LRP6: variants seen among roughly 807,000 people sequenced by gnomAD.
LRP6 encodes low-density lipoprotein receptor-related protein 6.
A neutral mutation model predicts 184.1 loss-of-function variants in LRP6; 43 were observed. The ratio of observed to expected loss-of-function variants is 0.23; its 90% CI spans 0.18 to 0.30. The LOEUF is 0.30. Among genes scored for constraint, LRP6 ranks in the 10% least tolerant of loss-of-function variants. The pLI, the probability that LRP6 is intolerant of heterozygous loss-of-function variation, is 1.00. For missense variants in LRP6, 1,571 were observed against 2,005.3 expected (o/e 0.78, Z 4.14); for synonymous variants, 719 against 684.9 (o/e 1.05, Z -0.78).
intron 15 of LRP6, among the ~76,000 whole-genome samples, chr12:12,145,627 T>TTTC (rs1555105796): frequency 1.3e-5 from 1 of 77,760 alleles, no homozygotes; most frequent in African/African-American, 5.4e-5. Context: ...TCTTTTTCTT[T>TTTC]TTTTTTTTTT....
At chr12:12,186,537 C>A (rs777297809) in intron 4 of LRP6, among the ~76,000 whole-genome samples, 5 of 151,650 alleles carry the variant, frequency 3.3e-5, no homozygotes, top group Admixed American at 1.3e-4. Context: ...CACTACCACA[C>A]CCCATTAATT....
At chr12:12,205,365 G>C (rs181824058) in intron 2 of LRP6, among the ~76,000 whole-genome samples, 2 of 140,684 alleles carry the variant, frequency 1.4e-5, no homozygotes, top group Admixed American at 1.4e-4. Flanking sequence ...AAGAGGTAAT[G>C]AGGGTGCTAT....
chr12:12,192,982 G>C (rs1863656283), intron 3 of LRP6, among the ~76,000 whole-genome samples: 1 of 151,986 alleles, frequency 6.6e-6, no homozygotes, highest in Non-Finnish European at 1.5e-5. Flanking sequence ...CTAGGAGACA[G>C]AATTAATCTT....
rs376741000 is a variant in LRP6, at chr12:12,165,154, C to T, written c.1687G>A (p.Ala563Thr). 3 of 1,614,074 alleles carry T rather than the reference C, an allele frequency of 1.9e-6. 1 individual carries two copies. Among genetic ancestry groups the T allele is most frequent in the South Asian group, 2.2e-5 (2 of 91,084 alleles). ...RSIERVHKRSAEREVIIDQLP... is the reference protein window; with the variant it reads ...RSIERVHKRSTEREVIIDQLP... ...TGATCTATGATCACTTCCCTCTCTGCACTTCGTTTATGAACTCTTTCAATG... is the reference window on the plus strand; with the variant it reads ...TGATCTATGATCACTTCCCTCTCTGTACTTCGTTTATGAACTCTTTCAATG... Residue 563 changes from alanine (A) to threonine (T), a missense_variant, in exon 8 of 23, where the codon GCA becomes ACA. Ala to Thr is a moderately conservative substitution (Grantham distance 58). Coordinates refer to ENST00000261349, the MANE Select transcript of LRP6 (RefSeq NM_002336.3).
intron 19 of LRP6, 90 bp from the exon 20 acceptor site, chr12:12,127,011 G>GA: frequency 9.7e-7 from 1 of 1,035,046 alleles, no homozygotes; most frequent in Non-Finnish European, 1.5e-6. Flanking sequence ...AATAGGATGT[G>GA]AAGCTATAAG....
At position 12,266,744 on chromosome 12, in the gene LRP6, C is replaced by A. The variant is rs1343876792; in HGVS notation, c.-9G>T. On this transcript the variant is annotated 5_prime_UTR_variant, in exon 1 of 23. Transcript: ENST00000261349. The stretch of plus-strand genomic sequence containing the variant: ...CTCAGGACGGCCCCCATCTTCCCTT[C>A]TCGCGTTCTCTTCTCTCACCGGCGA... 1 of 1,612,200 alleles carries A rather than the reference C, an allele frequency of 6.2e-7. No individual in the cohort carries two copies. Among genetic ancestry groups the A allele is most frequent in the East Asian group, 2.2e-5 (1 of 44,814 alleles).
chr12:12,248,314 C>T lies in LRP6; in HGVS notation c.56-3659G>A, dbSNP rs1865238016. Reference sequence around the variant, plus strand: ...TACCATCAGAATAATAATTATATTTCTACTAACTGCAAAATCTTATAACAT... The same window carrying T: ...TACCATCAGAATAATAATTATATTTTTACTAACTGCAAAATCTTATAACAT... On this transcript the variant is annotated intron_variant, in intron 1 of 22. Transcript: ENST00000261349. Among the ~76,000 whole-genome samples the T allele has an allele frequency of 2.6e-5, 4 of 152,004 alleles. No homozygotes were observed. In the South Asian group the frequency reaches 8.3e-4, roughly 32 times the overall value.
chr12:12,233,878 A>G (rs2135897469), intron 2 of LRP6, among the ~76,000 whole-genome samples: 1 of 152,300 alleles, frequency 6.6e-6, no homozygotes, highest in South Asian at 2.1e-4. Context: ...ACCAGCCTAA[A>G]AGCCTACACA....
intron 1 of LRP6, among the ~76,000 whole-genome samples, chr12:12,247,110 C>G (rs1266515751): frequency 1.3e-5 from 2 of 152,182 alleles, no homozygotes; most frequent in Non-Finnish European, 2.9e-5. Flanking sequence ...ACTGATTTAT[C>G]AGTCCCCACA....
intron 2 of LRP6, among the ~76,000 whole-genome samples, chr12:12,227,197 A>G (rs1162995458): frequency 1.3e-5 from 2 of 152,158 alleles, no homozygotes; most frequent in Non-Finnish European, 2.9e-5. Flanking sequence ...CTACCCTGCA[A>G]AATTATCCTT....
At chr12:12,178,970 GTC>G (rs2136985095) in intron 7 of LRP6, among the ~76,000 whole-genome samples, 1 of 152,258 alleles carries the variant, frequency 6.6e-6, no homozygotes, top group East Asian at 1.9e-4. Flanking sequence ...TGTGTACAGT[GTC>G]TCTCTGAAGA....
intron 1 of LRP6, 83 bp downstream of exon 1, chr12:12,266,598 T>TCCCCCCCCCCC: frequency 1.0e-6 from 1 of 986,856 alleles, no homozygotes; most frequent in South Asian, 1.4e-5. Flanking sequence ...CCTTCCTCCG[T>TCCCCCCCCCCC]CCCTCCCCTC....
In LRP6 at chr12:12,266,665, C is replaced by T. The variant is rs1279902229; in HGVS notation, c.55+16G>A. 4 of 1,611,594 alleles carry T rather than the reference C, an allele frequency of 2.5e-6. No individual in the cohort carries two copies. Among genetic ancestry groups the T allele is most frequent in the Admixed American group, 1.7e-5 (1 of 59,916 alleles). On this transcript the variant is annotated intron_variant, in intron 1 of 22. Coordinates refer to ENST00000261349, the MANE Select transcript of LRP6 (RefSeq NM_002336.3). ...CCCGAACCCCACCAACTTTCCAGTG[C>T]CCCCACTCTTCCCACCTCTCAGGAG...
chr12:12,230,917 T>A (rs1864766140), intron 2 of LRP6, among the ~76,000 whole-genome samples: 1 of 152,112 alleles, frequency 6.6e-6, no homozygotes, highest in Admixed American at 6.6e-5. Context: ...GCGCAGTGGC[T>A]CACGCCTGTA....
intron 1 of LRP6, chr12:12,249,388 G>A (rs1865266999): frequency 1.1e-6 from 1 of 935,442 alleles, no homozygotes; most frequent in Non-Finnish European, 1.8e-6. Flanking sequence ...AAGAAAATAT[G>A]AAACTCCCTC....
chr12:12,216,673 AAAG>A (rs1187986595), intron 2 of LRP6, among the ~76,000 whole-genome samples: 5 of 137,604 alleles, frequency 3.6e-5, no homozygotes, highest in Non-Finnish European at 8.0e-5. Flanking sequence ...AAAAAAAAGA[AAAG>A]AAAAGCTTTG....
At chr12:12,221,270 A>G (rs1176819932) in intron 2 of LRP6, among the ~76,000 whole-genome samples, 2 of 152,286 alleles carry the variant, frequency 1.3e-5, no homozygotes, top group African/African-American at 2.4e-5. Flanking sequence ...AATGAAGTGT[A>G]AGAGAAAACC....
intron 1 of LRP6, chr12:12,249,239 T>C: frequency 1.1e-6 from 1 of 889,280 alleles, no homozygotes. Context: ...TTGTAAGATT[T>C]GTAACAAAAA....
intron 2 of LRP6, among the ~76,000 whole-genome samples, chr12:12,212,492 G>C (rs1164553099): frequency 6.6e-6 from 1 of 152,028 alleles, no homozygotes; most frequent in Non-Finnish European, 1.5e-5. Flanking sequence ...CGGCTAACAA[G>C]CACCACCCTA....
Sources: gnomAD v4.1 joint callset for allele counts (sites outside exome capture counted in the v4.1 genomes callset) on GRCh38, gnomAD v4.1.1 for gene constraint, MANE v1.5 for transcripts, NCBI Gene and HGNC (gene_info 2026-07-23, HGNC 2026-07-21) for gene names.